RUNDC1: variants seen among roughly 807,000 people sequenced by gnomAD.
The protein encoded by RUNDC1 is RUN domain-containing protein 1.
RUNDC1 carries 31 observed loss-of-function variants against 49.3 expected under a neutral mutation model. That is an observed-to-expected ratio of 0.63 (90% confidence interval 0.47 to 0.85). The LOEUF is 0.85. Among genes scored for constraint, RUNDC1 ranks in the 40% least tolerant of loss-of-function variants. The pLI is 0.00. For missense variants in RUNDC1, 715 were observed against 806.7 expected, an observed-to-expected ratio of 0.89 and a Z score of 1.38; for synonymous variants, 347 against 348.6, an observed-to-expected ratio of 1.00 and a Z score of 0.05.
intron 1 of RUNDC1, chr17:42,985,621 T>TTTA: frequency 8.3e-6 from 2 of 242,052 alleles, no homozygotes; most frequent in Non-Finnish European, 1.1e-5. Context: ...TTTTTTTTCA[T>TTTA]TTCTTCTCTC....
chr17:42,990,355 T>G lies in RUNDC1; in HGVS notation c.895T>G (p.Cys299Gly). The change falls in exon 4 of 5, where the codon TGT becomes GGT. Residue 299 changes from cysteine to glycine, a missense_variant. Physicochemically the swap from Cys to Gly is radical, Grantham distance 159 (BLOSUM62 -3). This residue lies in a region of RUNDC1 where 425 missense variants were observed against 499.7 expected (regional missense o/e 0.85). Coordinates refer to ENST00000361677, the MANE Select transcript of RUNDC1 (RefSeq NM_173079.5). ...GSPLQTGGGH[C>G]ECKAGGKTGN... The stretch of plus-strand genomic sequence containing the variant: ...CCCCTTGCAGACAGGTGGTGGACAC[T>G]GTGAGTGCAAGGCCGGTGGGAAGAC... The G allele has an allele frequency of 6.2e-7, 1 of 1,614,062 alleles. No individual in the cohort carries two copies. The highest frequency in any genetic ancestry group is 8.5e-7 in the Non-Finnish European group (1 of 1,180,008).
At chr17:42,988,042 G>A (rs1003601094) in intron 2 of RUNDC1, among the ~76,000 whole-genome samples, 1 of 152,062 alleles carries the variant, frequency 6.6e-6, no homozygotes, top group African/African-American at 2.4e-5. Context: ...GTGAGCCACC[G>A]CACCTGGCCG....
Position 42,991,069 on chromosome 17 carries a change from C to G in RUNDC1, c.1195C>G (p.Gln399Glu), listed in dbSNP as rs1276442771. ...VDRVKQLALR[Q>E]QPHDHVITSA... Reference sequence around the variant, plus strand: ...CAGAGTGAAGCAGCTAGCCTTGAGGCAGCAGCCACATGACCATGTCATCAC... The same window carrying G: ...CAGAGTGAAGCAGCTAGCCTTGAGGGAGCAGCCACATGACCATGTCATCAC... Residue 399 changes from glutamine to glutamate, a missense_variant, in exon 5 of 5, where the codon CAG (glutamine) becomes GAG (glutamate). By Grantham distance (29) the Gln-to-Glu change is conservative. Transcript: ENST00000361677. 37 of 1,614,140 alleles carry G rather than the reference C, an allele frequency of 2.3e-5. No homozygotes were observed. Among genetic ancestry groups the G allele is most frequent in the Non-Finnish European group, 2.9e-5 (34 of 1,180,010 alleles).
intron 1 of RUNDC1, among the ~76,000 whole-genome samples, chr17:42,985,188 T>G (rs2050155089): frequency 6.6e-6 from 1 of 152,194 alleles, no homozygotes. Flanking sequence ...CGTTCGGCCA[T>G]ACTTTCCTTA....
At chr17:42,983,687 C>A (rs529225616) in intron 1 of RUNDC1, among the ~76,000 whole-genome samples, 1 of 144,072 alleles carries the variant, frequency 6.9e-6, no homozygotes, top group African/African-American at 2.6e-5. Context: ...TTTTTTTTTT[C>A]TTGAGACAGA....
At chr17:42,983,493 A>T (rs527978368) in intron 1 of RUNDC1, among the ~76,000 whole-genome samples, 132 of 146,620 alleles carry the variant, frequency 9.0e-4, no homozygotes, top group Non-Finnish European at 1.5e-3. Flanking sequence ...CTCCTACCTC[A>T]GCCTCTCGAG....
chr17:42,981,095 C>T (rs559051216), intron 1 of RUNDC1, 21 bp downstream of exon 1: 2 of 1,547,732 alleles, frequency 1.3e-6, no homozygotes, highest in African/African-American at 1.4e-5. Context: ...GGAGCCGGGC[C>T]GCGAGGAATA....
chr17:42,986,342 C>G (rs913802587), intron 1 of RUNDC1, among the ~76,000 whole-genome samples: 3 of 152,066 alleles, frequency 2.0e-5, no homozygotes, highest in African/African-American at 7.2e-5. Flanking sequence ...GTCTCGAACT[C>G]CTGGGCTCAA....
chr17:42,994,118 A>G lies in RUNDC1; in HGVS notation c.*2402A>G, dbSNP rs1249099218. Among the ~76,000 whole-genome samples the G allele has an allele frequency of 6.6e-6, 1 of 152,210 alleles. No homozygotes were observed. The highest frequency in any genetic ancestry group is 1.5e-5 in the Non-Finnish European group (1 of 68,034). Reference sequence around the variant, plus strand: ...GGTGATCCACCCACTTCAGCCTCCCAAAGTGCTGGGATTATAGGCGTGAGC... The same window carrying G: ...GGTGATCCACCCACTTCAGCCTCCCGAAGTGCTGGGATTATAGGCGTGAGC... On this transcript the variant is annotated 3_prime_UTR_variant, in exon 5 of 5. Transcript: ENST00000361677.
Position 42,991,211 on chromosome 17 carries a change from C to G in RUNDC1, c.1337C>G (p.Ser446Cys). ...CTGGCCCATGGACTGTATGCCTCCT[C>G]CCCAGGGATGAGCCTTGTTATGGCT... ...DLLAHGLYAS[S>C]PGMSLVMAPI... The change falls in exon 5 of 5, where the codon TCC becomes TGC. Residue 446 changes from serine (S) to cysteine (C), a missense_variant. Physicochemically the swap from Ser to Cys is moderately radical, Grantham distance 112 (BLOSUM62 -1). Coordinates refer to ENST00000361677, the MANE Select transcript of RUNDC1 (RefSeq NM_173079.5). 6.2e-7 allele frequency: 1 copy of G among 1,614,220 alleles called. No individual in the cohort carries two copies. The highest frequency in any genetic ancestry group is 8.5e-7 in the Non-Finnish European group (1 of 1,180,032).
In RUNDC1 at chr17:42,993,677, T is replaced by G. The variant is rs898581750; in HGVS notation, c.*1961T>G. On this transcript the variant is annotated 3_prime_UTR_variant, in exon 5 of 5. Transcript: ENST00000361677. ...CAGCCCATCTGATCCAGATCAATAT[T>G]TTTTTGAAAACTGCCTGTATCCTCT... is the stretch of plus-strand genomic sequence containing the variant. 1.4e-4 allele frequency: 21 copies of G among 152,262 alleles called. No homozygotes were observed. Among genetic ancestry groups the G allele is most frequent in the African/African-American group, 5.1e-4 (21 of 41,552 alleles). The allele number at this position is 152,262 out of a possible 1,614,324, so 9.4% of individuals were successfully genotyped here.
rs1039983243 is a variant in RUNDC1 at position 42,981,318 on chromosome 17, G to A, written c.498+244G>A. 14 of 536,490 alleles carry A rather than the reference G, an allele frequency of 2.6e-5. No homozygotes were observed. In the East Asian group the frequency reaches 4.5e-4, roughly 17 times the overall value. 33.2% of individuals were successfully genotyped at this position (536,490 alleles called of 1,614,324 possible). A position where few individuals can be genotyped will look rare whatever the true frequency, so the allele number is the denominator to read the frequency against. ...GAGAGATGTCGGTGCGTGATGACGT[G>A]AGTGGTAGAGGAGCGGTGAGCGAAG... On this transcript the variant is annotated intron_variant, in intron 1 of 4. Coordinates refer to ENST00000361677, the MANE Select transcript of RUNDC1 (RefSeq NM_173079.5).
At chr17:42,985,295 CTTAAGGAGT>C (rs1385137192) in intron 1 of RUNDC1, among the ~76,000 whole-genome samples, 1 of 152,184 alleles carries the variant, frequency 6.6e-6, no homozygotes, top group Non-Finnish European at 1.5e-5. Flanking sequence ...AACCTTTGTC[CTTAAGGAGT>C]TCATAGACTA....
rs2151959862 is a variant in RUNDC1 at position 42,989,448 on chromosome 17, G to A, written c.765G>A (p.Gln255=). ...AGCGTGTAGATGCAGCAGTGGCTCA[G>A]ATCGTCAACCCAGCCCGAGTCAAAG... ...LRQRVDAAVA[Q]IVNPARVKEQ... is the part of the protein sequence containing the mutation. The change falls in exon 3 of 5, where the codon CAG becomes CAA. Residue 255 remains glutamine (Q), a synonymous_variant. Transcript: ENST00000361677. 1 of 1,613,916 alleles carries A rather than the reference G, an allele frequency of 6.2e-7. No homozygotes were observed. The highest frequency in any genetic ancestry group is 2.2e-5 in the East Asian group (1 of 44,862).
Position 42,990,976 on chromosome 17 carries a change from C to G in RUNDC1, c.1102C>G (p.Leu368Val), listed in dbSNP as rs1247837882. Reference sequence around the variant, plus strand: ...TGCCACAGGCCAGATCCCTCCAACCCTGTGGCAGAGGGTCCAGGCTGACAG... The same window carrying G: ...TGCCACAGGCCAGATCCCTCCAACCGTGTGGCAGAGGGTCCAGGCTGACAG... ...GCATGQIPPT[L>V]WQRVQADRDY... The change falls in exon 5 of 5, where the codon CTG (leucine) becomes GTG (valine). Residue 368 changes from leucine to valine, a missense_variant. Around this residue, in one of 5 missense-constraint regions of RUNDC1, gnomAD observed 425 missense variants for 499.7 expected, o/e 0.85. Coordinates refer to ENST00000361677, the MANE Select transcript of RUNDC1 (RefSeq NM_173079.5). 2 of 1,614,086 alleles carry G rather than the reference C, an allele frequency of 1.2e-6. No homozygotes were observed. The highest frequency in any genetic ancestry group is 1.7e-5 in the Admixed American group (1 of 60,010).
rs563618325 is a variant in RUNDC1 at position 42,981,304 on chromosome 17, G to A, written c.498+230G>A. ...GCACGGAGGATGTGGAGAGATGTCG[G>A]TGCGTGATGACGTGAGTGGTAGAGG... is the stretch of plus-strand genomic sequence containing the variant. On this transcript the variant is annotated intron_variant, in intron 1 of 4. Transcript: ENST00000361677. 9.3e-4 allele frequency: 521 copies of A among 562,910 alleles called. 1 individual carries two copies. Among genetic ancestry groups the A allele is most frequent in the Admixed American group, 1.4e-3 (38 of 27,166 alleles). The allele number at this position is 562,910 out of a possible 1,614,324, so 34.9% of individuals were successfully genotyped here.
chr17:42,982,629 A>G (rs1416170733), intron 1 of RUNDC1, among the ~76,000 whole-genome samples: 1 of 152,164 alleles, frequency 6.6e-6, no homozygotes, highest in African/African-American at 2.4e-5. Context: ...GCATGCCTGT[A>G]GCAACATTTC....
In RUNDC1 at chr17:42,990,434, A is replaced by G; in HGVS notation, c.974A>G (p.Lys325Arg). Residue 325 changes from lysine to arginine, a missense_variant and splice_region_variant, in exon 4 of 5, where the codon AAA becomes AGA. By Grantham distance (26) the Lys-to-Arg change is conservative (BLOSUM62 2). Around this residue, in one of 5 missense-constraint regions of RUNDC1, gnomAD observed 425 missense variants for 499.7 expected, o/e 0.85. Transcript: ENST00000361677. ...GSSRTPPGNS[K>R]TKAEDVKKVR... Reference sequence around the variant, plus strand: ...AGCAGAACGCCTCCAGGAAACAGCAAAAGTAAGTGCAGTTTCCAGAACAGG... The same window carrying G: ...AGCAGAACGCCTCCAGGAAACAGCAGAAGTAAGTGCAGTTTCCAGAACAGG... 5 of 1,613,744 alleles carry G rather than the reference A, an allele frequency of 3.1e-6. No homozygotes were observed. The South Asian group carries it at 4.4e-5, about 14-fold the overall frequency.
At chr17:42,981,765 C>T (rs1209500053) in intron 1 of RUNDC1, 2 of 151,774 alleles carry the variant, frequency 1.3e-5, no homozygotes, top group Admixed American at 1.3e-4. Context: ...TGCCACCGTG[C>T]AGGCTATAAT....
Sources: allele counts gnomAD v4.1 joint callset (sites outside exome capture counted in the v4.1 genomes callset), GRCh38; gene constraint gnomAD v4.1.1; regional missense constraint gnomAD v4.1.1; transcripts MANE v1.5; gene names NCBI Gene and HGNC (gene_info 2026-07-23, HGNC 2026-07-21).